BSN: variants seen among roughly 807,000 people sequenced by gnomAD.
BSN encodes the protein bassoon presynaptic cytomatrix protein.
In BSN, 57 loss-of-function variants were observed where a neutral mutation model predicts 264.8. The observed-to-expected ratio is 0.22, with a 90% confidence interval of 0.17 to 0.27. The LOEUF is 0.27. BSN is among the 10% of genes least tolerant of loss of function. BSN has a pLI of 1.00. For missense variants in BSN, 4,615 were observed against 5,232.5 expected, an observed-to-expected ratio of 0.88 and a Z score of 3.64; for synonymous variants, 2,059 against 2,137.3, an observed-to-expected ratio of 0.96 and a Z score of 1.01.
intron 1 of BSN, among the ~76,000 whole-genome samples, chr3:49,562,558 T>C (rs947673152): frequency 2.0e-5 from 3 of 152,242 alleles, no homozygotes; most frequent in Non-Finnish European, 4.4e-5. Flanking sequence ...ATTTGTATGG[T>C]ATTTTACAGC....
intron 2 of BSN, among the ~76,000 whole-genome samples, chr3:49,629,104 G>C (rs1255217669): frequency 6.6e-6 from 1 of 152,172 alleles, no homozygotes; most frequent in Non-Finnish European, 1.5e-5. Flanking sequence ...AGTCCTTACT[G>C]ACAAGGAGAA....
chr3:49,650,977 A>G lies in BSN; in HGVS notation c.1884A>G (p.Pro628=), dbSNP rs201219327. 4 of 1,614,076 alleles carry G rather than the reference A, an allele frequency of 2.5e-6. No homozygotes were observed. In the Admixed American group the frequency reaches 6.7e-5, roughly 27 times the overall value. ...PMPKPPPETT[P]TPATPKVKSG... ...CGAAGCCACCTCCAGAGACTACCCCAACCCCTGCGACTCCTAAAGTAAAGA... is the reference window on the plus strand; with the variant it reads ...CGAAGCCACCTCCAGAGACTACCCCGACCCCTGCGACTCCTAAAGTAAAGA... The change falls in exon 4 of 12, where the codon CCA becomes CCG. Residue 628 remains proline (P), a synonymous_variant. Transcript: ENST00000296452.
chr3:49,563,226 C>A (rs1398915633), intron 1 of BSN, among the ~76,000 whole-genome samples: 1 of 152,170 alleles, frequency 6.6e-6, no homozygotes, highest in Non-Finnish European at 1.5e-5. Context: ...GGCTGGCAAC[C>A]CACCTCTGGG....
Position 49,661,357 on chromosome 3 carries a change from T to C in BSN, c.9512T>C (p.Met3171Thr), listed in dbSNP as rs774392781. 1 of 1,614,008 alleles carries C rather than the reference T, an allele frequency of 6.2e-7. No homozygotes were observed. Among genetic ancestry groups the C allele is most frequent in the South Asian group, 1.1e-5 (1 of 91,084 alleles). ...YEVIASPVVPMSSAPSETSYS... is the reference protein window; with the variant it reads ...YEVIASPVVPTSSAPSETSYS... ...GTGATCGCCAGCCCCGTTGTGCCCA[T>C]GTCTTCAGCCCCATCTGAAACCAGC... Residue 3171 changes from methionine to threonine, a missense_variant, in exon 6 of 12, where the codon ATG (methionine) becomes ACG (threonine). Physicochemically the swap from Met to Thr is moderately conservative, Grantham distance 81. Transcript: ENST00000296452.
rs773620877 is a variant in BSN, at chr3:49,642,817, G to A, written c.1183G>A (p.Ala395Thr). The A allele has an allele frequency of 6.2e-7, 1 of 1,613,102 alleles. No individual in the cohort carries two copies. The highest frequency in any genetic ancestry group is 8.5e-7 in the Non-Finnish European group (1 of 1,179,712). Residue 395 changes from alanine (A) to threonine (T), a missense_variant, in exon 3 of 12, where the codon GCT becomes ACT. Ala to Thr is a moderately conservative substitution (Grantham distance 58). Coordinates refer to ENST00000296452, the MANE Select transcript of BSN (RefSeq NM_003458.4). This position sits in a 1 kb window ranked among gnomAD's most constrained non-coding sequence, Gnocchi z 7.0. ...KIVFNDASKEAGPKPLGSGPG... is the reference protein window; with the variant it reads ...KIVFNDASKETGPKPLGSGPG... ...CGTCTTCAATGATGCCAGCAAGGAGGCTGGCCCAAAACCCTTGGGCTCAGG... is the reference window on the plus strand; with the variant it reads ...CGTCTTCAATGATGCCAGCAAGGAGACTGGCCCAAAACCCTTGGGCTCAGG...
chr3:49,619,849 G>A (rs1273355357), intron 1 of BSN, among the ~76,000 whole-genome samples: 1 of 152,138 alleles, frequency 6.6e-6, no homozygotes, highest in Non-Finnish European at 1.5e-5. Context: ...ACATTTTACT[G>A]CTCTGAGTCA....
Position 49,661,894 on chromosome 3 carries a change from C to T in BSN, c.10049C>T (p.Pro3350Leu), listed in dbSNP as rs1475870828. The T allele has an allele frequency of 2.5e-6, 4 of 1,613,766 alleles. No individual in the cohort carries two copies. Among genetic ancestry groups the T allele is most frequent in the Non-Finnish European group, 3.4e-6 (4 of 1,180,038 alleles). Residue 3350 changes from proline (P) to leucine (L), a missense_variant, in exon 6 of 12, where the codon CCA becomes CTA. By Grantham distance (98) the Pro-to-Leu change is moderately conservative (BLOSUM62 -3). Around this residue, in one of 3 missense-constraint regions of BSN, gnomAD observed 3,415 missense variants for 3,866.4 expected, o/e 0.88. Transcript: ENST00000296452. Reference protein sequence around the residue: ...GPKHPSKSLAPAAISSKRSKH... With the variant: ...GPKHPSKSLALAAISSKRSKH... ...AAGCATCCCTCCAAGAGCCTGGCTC[C>T]AGCTGCCATCTCCTCAAAGCGCAGC... is the stretch of plus-strand genomic sequence containing the variant.
At chr3:49,605,658 TATA>T (rs376391056) in intron 1 of BSN, among the ~76,000 whole-genome samples, 2,001 of 45,486 alleles carry the variant, frequency 0.044, 177 homozygotes, top group Non-Finnish European at 0.064. Context: ...ATATATTATA[TATA>T]ATATATATTA....
In BSN at chr3:49,652,029, C is replaced by G. The variant is rs2052545646; in HGVS notation, c.2473C>G (p.Pro825Ala). ...GGACAGCAGTGAGGGTGGCCTGTCCCCTCTTCCACCCCAGCCCCCAGCCCG... is the reference window on the plus strand; with the variant it reads ...GGACAGCAGTGAGGGTGGCCTGTCCGCTCTTCCACCCCAGCCCCCAGCCCG... ...VEDSSEGGLS[P>A]LPPQPPARAA... is the part of the protein sequence containing the mutation. Residue 825 changes from proline (P) to alanine (A), a missense_variant, in exon 5 of 12, where the codon CCT becomes GCT. Transcript: ENST00000296452. The G allele has an allele frequency of 6.2e-7, 1 of 1,611,306 alleles. No homozygotes were observed. The highest frequency in any genetic ancestry group is 1.3e-5 in the African/African-American group (1 of 75,016).
Position 49,663,093 on chromosome 3 carries a change from C to A in BSN, c.10935C>A (p.His3645Gln). 1 of 1,612,286 alleles carries A rather than the reference C, an allele frequency of 6.2e-7. No individual in the cohort carries two copies. Among genetic ancestry groups the A allele is most frequent in the African/African-American group, 1.3e-5 (1 of 75,066 alleles). Residue 3645 changes from histidine (H) to glutamine (Q), a missense_variant, in exon 7 of 12, where the codon CAC becomes CAA. This residue lies in a region of BSN where 3,415 missense variants were observed against 3,866.4 expected (regional missense o/e 0.88). Transcript: ENST00000296452. The part of the protein sequence containing the change: ...GPGRHASAKE[H>Q]RHGDHGRHSG... ...GCCGCCATGCCTCAGCCAAGGAACACCGGCACGGTGACCACGGGCGGCACT... is the reference window on the plus strand; with the variant it reads ...GCCGCCATGCCTCAGCCAAGGAACAACGGCACGGTGACCACGGGCGGCACT...
intron 1 of BSN, among the ~76,000 whole-genome samples, chr3:49,606,043 T>C (rs1214522152): frequency 1.1e-5 from 1 of 92,958 alleles, no homozygotes; most frequent in Non-Finnish European, 1.8e-5. Flanking sequence ...TAATATATTA[T>C]ATTATATATA....
chr3:49,645,282 G>T (rs1054281480), intron 3 of BSN, among the ~76,000 whole-genome samples: 2 of 152,136 alleles, frequency 1.3e-5, no homozygotes, highest in African/African-American at 4.8e-5. Context: ...CCCTATCAAT[G>T]CTGCTGTCCC....
chr3:49,582,056 G>C (rs981096080), intron 1 of BSN, among the ~76,000 whole-genome samples: 6 of 152,040 alleles, frequency 3.9e-5, no homozygotes, highest in South Asian at 2.1e-4. Flanking sequence ...TAGGCTTTTC[G>C]AGGCGCTGCC....
chr3:49,556,980 A>G (rs2051677580), intron 1 of BSN, among the ~76,000 whole-genome samples: 1 of 152,196 alleles, frequency 6.6e-6, no homozygotes, highest in Admixed American at 6.5e-5. Flanking sequence ...TGCTATTGCC[A>G]TATTACCTTG....
intron 2 of BSN, chr3:49,641,490 T>G (rs1235275658): frequency 1.3e-5 from 2 of 152,246 alleles, no homozygotes; most frequent in Non-Finnish European, 2.9e-5. Flanking sequence ...AACTATGTGT[T>G]TATCACATGG....
At chr3:49,584,755 A>ATTCTTTAAG (rs1435892997) in intron 1 of BSN, among the ~76,000 whole-genome samples, 1 of 152,136 alleles carries the variant, frequency 6.6e-6, no homozygotes. Flanking sequence ...TTGTGTACCC[A>ATTCTTTAAG]TTAACCATCC....
rs770572688 is a variant in BSN, at chr3:49,642,262, C to T, written c.634-6C>T. On this transcript the variant is annotated splice_polypyrimidine_tract_variant and splice_region_variant and intron_variant, in intron 2 of 11. Transcript: ENST00000296452. This position sits in a 1 kb window ranked among gnomAD's most constrained non-coding sequence, Gnocchi z 7.0. ...ACCCTGCTGACTATTTTGCTTTTCT[C>T]CTCAGGTGAAGGAGTGGCTCTGTCT... 1.3e-6 allele frequency: 2 copies of T among 1,516,496 alleles called. No individual in the cohort carries two copies. Among genetic ancestry groups the T allele is most frequent in the African/African-American group, 1.4e-5 (1 of 71,712 alleles). 93.9% of individuals were successfully genotyped at this position (1,516,496 alleles called of 1,614,324 possible).
intron 1 of BSN, among the ~76,000 whole-genome samples, chr3:49,584,130 C>A (rs578051719): frequency 2.0e-5 from 3 of 152,154 alleles, no homozygotes; most frequent in African/African-American, 7.2e-5. Context: ...CGTGATCCAC[C>A]CACCTCGGCT....
intron 1 of BSN, among the ~76,000 whole-genome samples, chr3:49,582,003 A>G (rs1441106991): frequency 6.6e-6 from 1 of 152,196 alleles, no homozygotes; most frequent in African/African-American, 2.4e-5. Flanking sequence ...CTCTGGATAT[A>G]AACCTAAGAG....
Sources: allele counts gnomAD v4.1 joint callset (sites outside exome capture counted in the v4.1 genomes callset), GRCh38; gene constraint gnomAD v4.1.1; regional missense constraint gnomAD v4.1.1; non-coding constraint Gnocchi (gnomAD v3.1); transcripts MANE v1.5; gene names NCBI Gene and HGNC (gene_info 2026-07-23, HGNC 2026-07-21).